Variants in IFT122 observed in about 807,000 individuals in gnomAD.
IFT122 encodes intraflagellar transport 122, also known as intraflagellar transport protein 122 homolog.
IFT122 carries 118 observed loss-of-function variants against 161.6 expected under a neutral mutation model. The ratio of observed to expected loss-of-function variants is 0.73; its 90% confidence interval spans 0.63 to 0.85. IFT122 has a LOEUF of 0.85. Ranked by LOEUF, IFT122 falls within the 40% of genes least tolerant of loss-of-function variation. The pLI is 0.00. For missense variants in IFT122, 1,381 were observed against 1,579.6 expected, an observed-to-expected ratio of 0.87 and a Z score of 2.13; for synonymous variants, 550 against 602.4, an observed-to-expected ratio of 0.91 and a Z score of 1.27.
intron 23 of IFT122, among the ~76,000 whole-genome samples, chr3:129,509,736 G>A (rs1378525871): frequency 1.3e-5 from 2 of 152,218 alleles, no homozygotes; most frequent in African/African-American, 2.4e-5. Flanking sequence ...AGTCTCAGTA[G>A]TCTGGCACTG....
At chr3:129,461,961 C>A (rs1246967606) in intron 5 of IFT122, among the ~76,000 whole-genome samples, 2 of 152,180 alleles carry the variant, frequency 1.3e-5, no homozygotes, top group African/African-American at 4.8e-5. Flanking sequence ...GTTTTCAGCT[C>A]TATCAGTCTG....
intron 15 of IFT122, 188 bp from the exon 16 acceptor site, chr3:129,488,069 G>C: frequency 1.2e-6 from 1 of 830,136 alleles, no homozygotes; most frequent in Non-Finnish European, 2.0e-6. Context: ...CCAGTCATGA[G>C]AGAGGTGCAG....
intron 15 of IFT122, among the ~76,000 whole-genome samples, chr3:129,486,190 A>T (rs1297972617): frequency 6.6e-6 from 1 of 152,220 alleles, no homozygotes; most frequent in African/African-American, 2.4e-5. Context: ...TCATATGCTC[A>T]GCTGTGATAT....
chr3:129,503,995 A>G (rs1187919150), intron 20 of IFT122: 6 of 372,230 alleles, frequency 1.6e-5, no homozygotes, highest in Non-Finnish European at 3.1e-5. Context: ...CCGCAATTAA[A>G]AGAAATCTGT....
intron 16 of IFT122, among the ~76,000 whole-genome samples, chr3:129,491,881 GT>G (rs2080148987): frequency 6.6e-6 from 1 of 152,208 alleles, no homozygotes; most frequent in Non-Finnish European, 1.5e-5. Flanking sequence ...TGGCATCACG[GT>G]TTTGTTTTAC....
chr3:129,512,204 G>T, intron 23 of IFT122, 108 bp from the exon 24 acceptor site: 1 of 815,094 alleles, frequency 1.2e-6, no homozygotes, highest in South Asian at 1.3e-5. Context: ...TCAATAATCA[G>T]AGCCGCTCTT....
chr3:129,440,451 G>A (rs879423041), intron 1 of IFT122, 80 bp downstream of exon 1: 37 of 1,501,318 alleles, frequency 2.5e-5, no homozygotes, highest in South Asian at 2.0e-4. Context: ...CGTGTTTGAG[G>A]GGGGCAGCGG....
chr3:129,514,261 C>G, intron 24 of IFT122, 128 bp from the exon 25 acceptor site: 1 of 1,003,460 alleles, frequency 1.0e-6, no homozygotes, highest in Non-Finnish European at 1.5e-6. Flanking sequence ...GCCTTCCTCA[C>G]GGTCTTTCCT....
chr3:129,492,495 G>T (rs1440841588), intron 17 of IFT122, among the ~76,000 whole-genome samples: 1 of 152,216 alleles, frequency 6.6e-6, no homozygotes, highest in African/African-American at 2.4e-5. Flanking sequence ...TGAGGATTCA[G>T]TAGGTTCTCA....
In IFT122 at chr3:129,495,130, T is replaced by G. The variant is rs958187319; in HGVS notation, c.2047-316T>G. On this transcript the variant is annotated intron_variant, in intron 17 of 29. Transcript: ENST00000348417. ...ATCTTGGGAGCTTAGGGGTCATGGA[T>G]GAGTCAGAGCACACACTATTCAAAC... 6.6e-5 allele frequency among the ~76,000 whole-genome samples: 10 copies of G among 152,200 alleles called. 1 individual carries two copies. The highest frequency in any genetic ancestry group is 6.5e-4 in the Admixed American group (10 of 15,280).
At chr3:129,510,872 G>T (rs1304967585) in intron 23 of IFT122, among the ~76,000 whole-genome samples, 1 of 152,232 alleles carries the variant, frequency 6.6e-6, no homozygotes, top group African/African-American at 2.4e-5. Context: ...CGTTGTCCCT[G>T]CAGTCAGTCC....
chr3:129,454,508 CATATTTGTGT>C (rs1250963346), intron 3 of IFT122, among the ~76,000 whole-genome samples: 156 of 112,442 alleles, frequency 1.4e-3, no homozygotes, highest in African/African-American at 5.9e-3. Context: ...CCATGGTAGT[CATATTTGTGT>C]GTGTGTGTGT....
intron 8 of IFT122, among the ~76,000 whole-genome samples, chr3:129,467,797 C>T (rs1038055727): frequency 6.6e-6 from 1 of 152,188 alleles, no homozygotes; most frequent in East Asian, 1.9e-4. Context: ...TTACATAGTA[C>T]CTGAGTTTCC....
intron 11 of IFT122, among the ~76,000 whole-genome samples, chr3:129,477,779 T>G (rs1239548564): frequency 6.6e-6 from 1 of 152,120 alleles, no homozygotes; most frequent in Non-Finnish European, 1.5e-5. Flanking sequence ...TAACAGTGAG[T>G]AGTTTATTTC....
chr3:129,504,326 C>T lies in IFT122; in HGVS notation c.2555C>T (p.Ala852Val). The T allele has an allele frequency of 6.2e-7, 1 of 1,613,716 alleles. No individual in the cohort carries two copies. Among genetic ancestry groups the T allele is most frequent in the Admixed American group, 1.7e-5 (1 of 60,022 alleles). Residue 852 changes from alanine to valine, a missense_variant, in exon 21 of 30, where the codon GCT becomes GTT. This residue lies in a region of IFT122 where 496 missense variants were observed against 502.5 expected (regional missense o/e 0.99). Coordinates refer to ENST00000348417, the MANE Select transcript of IFT122 (RefSeq NM_052989.3). The part of the protein sequence containing the change: ...VETQRWDEAF[A>V]LGEKHPEFKD... ...ATTTGCTCCTTCCCCCAGGCCTTTG[C>T]TTTGGGTGAGAAGCATCCTGAGTTT...
At chr3:129,448,857 C>T (rs2074382887) in intron 1 of IFT122, among the ~76,000 whole-genome samples, 3 of 151,968 alleles carry the variant, frequency 2.0e-5, no homozygotes, top group Admixed American at 6.6e-5. Context: ...CACCACCATG[C>T]CCAGCTAATT....
chr3:129,516,265 A>ACACACAGACTGCCCCTG (rs2108672193), intron 26 of IFT122, among the ~76,000 whole-genome samples: 2 of 98,542 alleles, frequency 2.0e-5, no homozygotes, highest in South Asian at 7.5e-4. Context: ...GACTGCCCCT[A>ACACACAGACTGCCCCTG]CACACACACA....
intron 3 of IFT122, among the ~76,000 whole-genome samples, chr3:129,457,543 C>T (rs999184872): frequency 6.6e-5 from 10 of 152,118 alleles, no homozygotes; most frequent in Admixed American, 5.9e-4. Flanking sequence ...AAGCTCTGCT[C>T]ATCCTTTAGG....
At chr3:129,520,109 C>T (rs971028236) in intron 29 of IFT122, 67 bp from the exon 30 acceptor site, 21 of 1,346,082 alleles carry the variant, frequency 1.6e-5, no homozygotes, top group South Asian at 1.1e-4. Context: ...GCAGTGCGTC[C>T]TGGCCCCAGG....
Sources: allele counts gnomAD v4.1 joint callset (sites outside exome capture counted in the v4.1 genomes callset), GRCh38; gene constraint gnomAD v4.1.1; regional missense constraint gnomAD v4.1.1; transcripts MANE v1.5; gene names NCBI Gene and HGNC (gene_info 2026-07-23, HGNC 2026-07-21).